PFDN2: variants seen among roughly 807,000 people sequenced by gnomAD.
PFDN2 encodes the protein prefoldin 2.
A neutral mutation model predicts 18.3 loss-of-function variants in PFDN2; 7 were observed. The observed-to-expected ratio is 0.38, with a 90% CI of 0.22 to 0.72. The LOEUF (loss-of-function observed/expected upper bound fraction) is 0.72, where lower values mean the gene tolerates loss of function less well. Among genes scored for constraint, PFDN2 ranks in the 30% least tolerant of loss-of-function variants. PFDN2 has a pLI of 0.47. For synonymous variants in PFDN2, 76 were observed against 75.0 expected, an observed-to-expected ratio of 1.01 and a Z score of -0.07; for missense variants, 181 against 199.1, an observed-to-expected ratio of 0.91 and a Z score of 0.55.
chr1:161,116,997 G>A (rs752943964), intron 1 of PFDN2, among the ~76,000 whole-genome samples: 7 of 152,250 alleles, frequency 4.6e-5, no homozygotes, highest in Non-Finnish European at 1.0e-4. Context: ...TACTTTGGGA[G>A]GCCGAGGCGT....
intron 1 of PFDN2, among the ~76,000 whole-genome samples, chr1:161,116,176 G>A (rs1654912678): frequency 6.6e-6 from 1 of 152,142 alleles, no homozygotes; most frequent in Non-Finnish European, 1.5e-5. Context: ...GCTGCAGCGG[G>A]CTATCATCAC....
In PFDN2 at chr1:161,105,738, C is replaced by T. The variant is rs530653873; in HGVS notation, c.76-3363G>A. ...ACTCCCAAAGTGCTGGGATTACAGG[C>T]GTGAGCCACTGCACCCGCCTGAGAT... On this transcript the variant is annotated intron_variant, in intron 1 of 3. Transcript: ENST00000368010. Among the ~76,000 whole-genome samples, 41 of 152,260 alleles carry T rather than the reference C, an allele frequency of 2.7e-4. No homozygotes were observed. The South Asian group carries it at 8.5e-3, about 32-fold the overall frequency.
At chr1:161,110,819 A>ATTT (rs1342029221) in intron 1 of PFDN2, among the ~76,000 whole-genome samples, 1 of 133,730 alleles carries the variant, frequency 7.5e-6, no homozygotes. Flanking sequence ...TCTTCATGAA[A>ATTT]TTTTTTTTTT....
Position 161,102,269 on chromosome 1 carries a change from T to G in PFDN2, c.164+18A>C, listed in dbSNP as rs1371750598. ...CCACACAACTGTCCTACTGTTTGCC[T>G]CTCCCTGACTTTCTCACCTGTGCTC... is the stretch of plus-strand genomic sequence containing the variant. On this transcript the variant is annotated intron_variant, in intron 2 of 3. Transcript: ENST00000368010. 6.8e-6 allele frequency: 11 copies of G among 1,613,234 alleles called. No homozygotes were observed. The highest frequency in any genetic ancestry group is 9.3e-6 in the Non-Finnish European group (11 of 1,179,144).
intron 1 of PFDN2, among the ~76,000 whole-genome samples, chr1:161,106,032 T>TCC (rs1654669975): frequency 6.6e-6 from 1 of 152,108 alleles, no homozygotes; most frequent in Non-Finnish European, 1.5e-5. Context: ...GGTGTTTGGA[T>TCC]CATGGGGGTA....
intron 1 of PFDN2, among the ~76,000 whole-genome samples, chr1:161,109,983 G>C (rs901010968): frequency 6.6e-6 from 1 of 152,074 alleles, no homozygotes; most frequent in East Asian, 1.9e-4. Flanking sequence ...GAACCTGGGA[G>C]GCGGAAGTTG....
At position 161,100,722 on chromosome 1, in the gene PFDN2, A is replaced by T; in HGVS notation, c.426T>A (p.Ala142=). ...KPAAKENSEG[A]GAKASSAGVL... is the part of the protein sequence containing the mutation. ...CTCCAGCTGAGCTGGCCTTAGCCCC[A>T]GCCCCTTCTGAGTTTTCCTTGGCTG... Residue 142 remains alanine, a synonymous_variant, in exon 4 of 4, where the codon GCT becomes GCA. Transcript: ENST00000368010. The T allele has an allele frequency of 1.2e-6, 2 of 1,614,142 alleles. No individual in the cohort carries two copies. Among genetic ancestry groups the T allele is most frequent in the South Asian group, 2.2e-5 (2 of 91,086 alleles).
intron 3 of PFDN2, 117 bp from the exon 4 acceptor site, chr1:161,100,976 G>A: frequency 2.9e-6 from 2 of 681,150 alleles, no homozygotes; most frequent in Non-Finnish European, 5.1e-6. Flanking sequence ...ACCAAGTAGA[G>A]GAGCCCAGAC....
rs113671942 is a variant in PFDN2 at position 161,100,689 on chromosome 1, G to A, written c.459C>T (p.Val153=). The change falls in exon 4 of 4, where the codon GTC becomes GTT. Residue 153 remains valine, a synonymous_variant. Transcript: ENST00000368010. ...GAKASSAGVL[V]S The stretch of plus-strand genomic sequence containing the variant: ...AATGCAAAGGCCTTGGTCCCTAGGA[G>A]ACCAACACTCCAGCTGAGCTGGCCT... The A allele has an allele frequency of 1.9e-6, 3 of 1,611,670 alleles. No individual in the cohort carries two copies. Among genetic ancestry groups the A allele is most frequent in the South Asian group, 1.1e-5 (1 of 90,856 alleles).
intron 1 of PFDN2, among the ~76,000 whole-genome samples, chr1:161,108,707 T>G (rs1466609046): frequency 6.6e-6 from 1 of 152,200 alleles, no homozygotes. Flanking sequence ...TTCCACTGCA[T>G]GTCGCTAGAA....
intron 1 of PFDN2, among the ~76,000 whole-genome samples, chr1:161,103,623 TG>T (rs1444828714): frequency 7.4e-6 from 1 of 134,522 alleles, no homozygotes; most frequent in Admixed American, 8.8e-5. Flanking sequence ...AGGCGGAGGT[TG>T]CAGTGAGCTG....
rs770980275 is a variant in PFDN2, at chr1:161,117,945, T to C, written c.75+7A>G. 6.2e-7 allele frequency: 1 copy of C among 1,609,774 alleles called. No homozygotes were observed. The highest frequency in any genetic ancestry group is 1.1e-5 in the South Asian group (1 of 90,526). On this transcript the variant is annotated splice_region_variant and intron_variant, in intron 1 of 3. Transcript: ENST00000368010. ...GGGTACCCTGCTTCGCGTTAGCCAC[T>C]CCTCACCTGCTCTGCGGACACCGCC...
At chr1:161,110,763 C>G (rs147749261) in intron 1 of PFDN2, among the ~76,000 whole-genome samples, 39 of 151,626 alleles carry the variant, frequency 2.6e-4, no homozygotes, top group Admixed American at 5.9e-4. Context: ...TCAAAGAAAA[C>G]TTCTTTGACC....
intron 1 of PFDN2, among the ~76,000 whole-genome samples, chr1:161,103,147 G>A (rs1654605966): frequency 6.6e-6 from 1 of 151,996 alleles, no homozygotes; most frequent in Admixed American, 6.6e-5. Context: ...CTAACCACAT[G>A]ACCCCTGACC....
chr1:161,110,728 T>C (rs1339590885), intron 1 of PFDN2, among the ~76,000 whole-genome samples: 1 of 152,100 alleles, frequency 6.6e-6, no homozygotes, highest in Non-Finnish European at 1.5e-5. Context: ...TGCCCCCTTT[T>C]CTGAAGAACA....
chr1:161,108,317 G>A (rs1654728516), intron 1 of PFDN2, among the ~76,000 whole-genome samples: 1 of 151,698 alleles, frequency 6.6e-6, no homozygotes, highest in African/African-American at 2.4e-5. Context: ...AATTAACTGG[G>A]TATGGTGGCA....
At chr1:161,103,091 T>G (rs1017256527) in intron 1 of PFDN2, among the ~76,000 whole-genome samples, 12 of 152,156 alleles carry the variant, frequency 7.9e-5, no homozygotes, top group Admixed American at 6.5e-5. Flanking sequence ...ATCCCATCCA[T>G]TGGGGAACTG....
At chr1:161,116,958 G>A (rs1458726725) in intron 1 of PFDN2, among the ~76,000 whole-genome samples, 1 of 152,198 alleles carries the variant, frequency 6.6e-6, no homozygotes, top group East Asian at 1.9e-4. Flanking sequence ...CTGTAGGCCG[G>A]GAGCGGTGGC....
In PFDN2 at chr1:161,116,359, GACA is replaced by G. The variant is rs1255053898; in HGVS notation, c.75+1590_75+1592del. 6.6e-5 allele frequency among the ~76,000 whole-genome samples: 10 copies of G among 152,082 alleles called. No individual in the cohort carries two copies. The East Asian group carries it at 1.6e-3, about 24-fold the overall frequency. Reference sequence around the variant, plus strand: ...GGTGAAACCCCGTCTCTACCAAAAAGACAACAATTAGCCAGGTATGGTGGTGCA... The same window carrying G: ...GGTGAAACCCCGTCTCTACCAAAAAGACAATTAGCCAGGTATGGTGGTGCA... On this transcript the variant is annotated intron_variant, in intron 1 of 3. Transcript: ENST00000368010.
Sources: gnomAD v4.1 joint callset for allele counts (sites outside exome capture counted in the v4.1 genomes callset) on GRCh38, gnomAD v4.1.1 for gene constraint, MANE v1.5 for transcripts, NCBI Gene and HGNC (gene_info 2026-07-23, HGNC 2026-07-21) for gene names.